Variants in SLC41A3 observed in about 807,000 individuals in gnomAD.
SLC41A3 encodes the protein SLC41A1-like 2.
In SLC41A3, 44 loss-of-function variants were observed where a neutral mutation model predicts 45.4. That is an observed-to-expected ratio of 0.97 (90% CI 0.76 to 1.25). The LOEUF (loss-of-function observed/expected upper bound fraction) is 1.25, where lower values mean the gene tolerates loss of function less well. Ranked by LOEUF, SLC41A3 falls within the 50% of genes most tolerant of loss-of-function variation. SLC41A3 has a pLI of 0.00. For synonymous variants in SLC41A3, 256 were observed against 252.4 expected (o/e 1.01, Z -0.13); for missense variants, 550 against 600.6 (o/e 0.92, Z 0.88).
intron 1 of SLC41A3, chr3:126,092,498 G>A (rs958613344): frequency 2.6e-5 from 4 of 152,360 alleles, no homozygotes; most frequent in Admixed American, 6.5e-5. Context: ...TCTGAAGGCT[G>A]TGAGACCCCT....
At chr3:126,049,060 G>A (rs777822750) in intron 3 of SLC41A3, among the ~76,000 whole-genome samples, 4 of 152,194 alleles carry the variant, frequency 2.6e-5, no homozygotes, top group Non-Finnish European at 4.4e-5. Context: ...CAGCACTTTG[G>A]GAGGCCAAGG....
intron 3 of SLC41A3, among the ~76,000 whole-genome samples, chr3:126,043,210 C>T (rs1942708369): frequency 6.6e-6 from 1 of 152,090 alleles, no homozygotes; most frequent in Non-Finnish European, 1.5e-5. Flanking sequence ...GTGGATTTCT[C>T]AGCATAAACT....
intron 1 of SLC41A3, among the ~76,000 whole-genome samples, chr3:126,081,983 C>T (rs1215672696): frequency 1.3e-5 from 2 of 152,264 alleles, no homozygotes; most frequent in Non-Finnish European, 2.9e-5. Context: ...TCCACCCTCA[C>T]TGTGCCTGCA....
At chr3:126,028,830 T>C (rs1466992130) in intron 4 of SLC41A3, among the ~76,000 whole-genome samples, 1 of 152,274 alleles carries the variant, frequency 6.6e-6, no homozygotes, top group African/African-American at 2.4e-5. Context: ...CAATGTGCCC[T>C]AGATGTGAGA....
At chr3:126,078,842 T>C (rs184729821) in intron 1 of SLC41A3, 2 of 152,332 alleles carry the variant, frequency 1.3e-5, no homozygotes, top group African/African-American at 4.8e-5. Flanking sequence ...GATCATCTGA[T>C]GAGAACAGAA....
intron 10 of SLC41A3, among the ~76,000 whole-genome samples, chr3:126,008,191 G>A (rs74725822): frequency 0.086 from 13,081 of 152,334 alleles, 711 homozygotes; most frequent in African/African-American, 0.14. Flanking sequence ...GTTGTGTGCC[G>A]TGTCTAGCAT....
At position 126,098,595 on chromosome 3, in the gene SLC41A3, AC is replaced by A; in HGVS notation, c.-79+2833del. Among the ~76,000 whole-genome samples, 3 of 152,358 alleles carry A rather than the reference AC, an allele frequency of 2.0e-5. No homozygotes were observed. The Middle Eastern group carries it at 0.01, about 518-fold the overall frequency. ...GGAAGGATTCCCAGCTCCCAGATGG[AC>A]CACGGGGGAGGTCTGAGGAATAGGG... On this transcript the variant is annotated intron_variant, in intron 1 of 9. Coordinates refer to the SLC41A3 transcript ENST00000508835.
upstream of SLC41A3, among the ~76,000 whole-genome samples, chr3:126,089,144 G>T (rs1945445053): frequency 6.6e-6 from 1 of 152,174 alleles, no homozygotes; most frequent in Non-Finnish European, 1.5e-5. Context: ...TATTACCGAA[G>T]TCATGGTAAA....
chr3:126,099,350 A>G (rs1184030069), intron 1 of SLC41A3, among the ~76,000 whole-genome samples: 1 of 152,248 alleles, frequency 6.6e-6, no homozygotes, highest in African/African-American at 2.4e-5. Context: ...AAGTGACGGC[A>G]ATATATTAAT....
intron 1 of SLC41A3, among the ~76,000 whole-genome samples, chr3:126,076,853 TG>T (rs1397965324): frequency 6.6e-6 from 1 of 152,232 alleles, no homozygotes; most frequent in Non-Finnish European, 1.5e-5. Context: ...ATTCTTTTCA[TG>T]TCCAGTTTCT....
At chr3:126,064,523 A>G (rs537942987) in intron 2 of SLC41A3, among the ~76,000 whole-genome samples, 1 of 152,212 alleles carries the variant, frequency 6.6e-6, no homozygotes, top group South Asian at 2.1e-4. Flanking sequence ...GTCCAGAGCC[A>G]GGTGTTGAGT....
chr3:126,089,614 C>T (rs1945453066), intron 1 of SLC41A3, among the ~76,000 whole-genome samples: 1 of 152,208 alleles, frequency 6.6e-6, no homozygotes, highest in Admixed American at 6.5e-5. Context: ...AGGACAAATC[C>T]TCCACTTCAT....
At chr3:126,083,406 A>C (rs1945263381) in intron 1 of SLC41A3, among the ~76,000 whole-genome samples, 1 of 152,230 alleles carries the variant, frequency 6.6e-6, no homozygotes, top group Non-Finnish European at 1.5e-5. Flanking sequence ...GAAAGAGGAA[A>C]AAATAAACAA....
At chr3:126,095,299 G>A (rs548472735) in intron 1 of SLC41A3, 37 of 663,482 alleles carry the variant, frequency 5.6e-5, no homozygotes, top group Non-Finnish European at 7.9e-5. Context: ...TGTTGCAGCC[G>A]TGTTGAGGCT....
chr3:126,011,907 C>G (rs1211022734), intron 9 of SLC41A3, among the ~76,000 whole-genome samples: 2 of 151,884 alleles, frequency 1.3e-5, no homozygotes, highest in African/African-American at 4.8e-5. Context: ...AACAATGTAA[C>G]AGGAAAGAAG....
intron 10 of SLC41A3, 152 bp downstream of exon 10, chr3:126,008,580 G>C: frequency 9.5e-7 from 1 of 1,056,366 alleles, no homozygotes; most frequent in African/African-American, 1.6e-5. Context: ...CTCTGTATTT[G>C]ACAAGTTGAC....
At chr3:126,028,334 C>G (rs570723106) in intron 4 of SLC41A3, among the ~76,000 whole-genome samples, 1 of 152,320 alleles carries the variant, frequency 6.6e-6, no homozygotes, top group Non-Finnish European at 1.5e-5. Context: ...ATGTCCCAGT[C>G]GCTCAAGCTC....
In SLC41A3 at chr3:126,046,381, A is replaced by AC. The variant is rs58622335; in HGVS notation, c.381+4561_381+4562insG. Among the ~76,000 whole-genome samples the AC allele has an allele frequency of 1.4e-3, 207 of 151,656 alleles. 1 individual carries two copies. Among genetic ancestry groups the AC allele is most frequent in the African/African-American group, 3.7e-3 (152 of 41,378 alleles). ...TACACACACACACACACACACACAC[A>AC]AATTTTTATAATAAATGAATTCAGC... On this transcript the variant is annotated intron_variant, in intron 3 of 10. Coordinates refer to ENST00000360370, the MANE Select transcript of SLC41A3 (RefSeq NM_017836.4).
chr3:126,040,603 G>A lies in SLC41A3; in HGVS notation c.382-6925C>T, dbSNP rs116550117. ...GCTTGGTTTGTGCCAAGAATGAGAT[G>A]TGGCCACCTGGCCTGGCTCCAAGCA... On this transcript the variant is annotated intron_variant, in intron 3 of 10. Coordinates refer to ENST00000360370, the MANE Select transcript of SLC41A3 (RefSeq NM_017836.4). Among the ~76,000 whole-genome samples, 295 of 152,160 alleles carry A rather than the reference G, an allele frequency of 1.9e-3. 2 individuals are homozygous for A. Among genetic ancestry groups the A allele is most frequent in the African/African-American group, 7.0e-3 (289 of 41,522 alleles).
Sources: allele counts gnomAD v4.1 joint callset (sites outside exome capture counted in the v4.1 genomes callset), GRCh38; gene constraint gnomAD v4.1.1; transcripts MANE v1.5; gene names NCBI Gene and HGNC (gene_info 2026-07-23, HGNC 2026-07-21).